KIAA0586: variants seen among roughly 807,000 people sequenced by gnomAD.
The protein encoded by KIAA0586 is KIAA0586.
Under a neutral mutation model 169.8 loss-of-function variants are expected in KIAA0586, and 144 were observed. The ratio of observed to expected loss-of-function variants is 0.85; its 90% CI spans 0.74 to 0.97. The LOEUF (loss-of-function observed/expected upper bound fraction) is 0.97, where lower values mean the gene tolerates loss of function less well. KIAA0586 is among the 50% of genes least tolerant of loss of function. The probability of loss-of-function intolerance (pLI) is 0.00; values close to 1 mark genes in which losing one functional copy is unlikely to be tolerated. For missense variants in KIAA0586, 1,854 were observed against 1,823.0 expected (o/e 1.02, Z -0.31); for synonymous variants, 625 against 612.4 (o/e 1.02, Z -0.30).
At chr14:58,447,393 C>G (rs1039163673) in intron 6 of KIAA0586, among the ~76,000 whole-genome samples, 6 of 151,902 alleles carry the variant, frequency 3.9e-5, no homozygotes, top group Non-Finnish European at 7.4e-5. Context: ...CAATAAAACC[C>G]TCTTTTTTGA....
At chr14:58,523,031 A>G (rs537266890) in intron 29 of KIAA0586, among the ~76,000 whole-genome samples, 2 of 152,210 alleles carry the variant, frequency 1.3e-5, no homozygotes, top group East Asian at 1.9e-4. Flanking sequence ...GTATATGCAT[A>G]TCTATATATA....
rs752142962 is a variant in KIAA0586 at position 58,460,981 on chromosome 14, C to T, written c.1885-5C>T. On this transcript the variant is annotated splice_region_variant and splice_polypyrimidine_tract_variant and intron_variant, in intron 13 of 30. Transcript: ENST00000652326. ...ATGGTGAGTTGAATAACTTTGTACA[C>T]ACAGGGGCTTTTGAAAGCAACCACA... 8.2e-6 allele frequency: 13 copies of T among 1,584,790 alleles called. No homozygotes were observed. Among genetic ancestry groups the T allele is most frequent in the Non-Finnish European group, 1.1e-5 (13 of 1,168,176 alleles).
chr14:58,481,800 A>C (rs1247001904), intron 20 of KIAA0586, among the ~76,000 whole-genome samples: 1 of 101,654 alleles, frequency 9.8e-6, no homozygotes, highest in African/African-American at 3.9e-5. Flanking sequence ...GTATATTGGC[A>C]TCTCTAAACT....
chr14:58,470,659 A>G lies in KIAA0586; in HGVS notation c.2489A>G (p.Asp830Gly). The change falls in exon 17 of 31, where the codon GAT becomes GGT. Residue 830 changes from aspartate (D) to glycine (G), a missense_variant. By Grantham distance (94) the Asp-to-Gly change is moderately conservative. Transcript: ENST00000652326. Reference protein sequence around the residue: ...DIDSISNSSADVLSPLSSPKE... With the variant: ...DIDSISNSSAGVLSPLSSPKE... ...GACAGCATTTCAAATAGTAGTGCTG[A>G]TGTCCTTTCACCTCTGTCTAGCCCC... The G allele has an allele frequency of 6.2e-7, 1 of 1,610,508 alleles. No individual in the cohort carries two copies. Among genetic ancestry groups the G allele is most frequent in the Non-Finnish European group, 8.5e-7 (1 of 1,177,062 alleles).
Position 58,521,274 on chromosome 14 carries a change from G to A in KIAA0586, c.4429+8647G>A. 2.6e-6 allele frequency: 3 copies of A among 1,139,338 alleles called. 1 individual carries two copies. Among genetic ancestry groups the A allele is most frequent in the South Asian group, 2.4e-5 (2 of 82,192 alleles). The allele number at this position is 1,139,338 out of a possible 1,614,324, so 70.6% of individuals were successfully genotyped here. On this transcript the variant is annotated intron_variant, in intron 29 of 30. Transcript: ENST00000652326. ...GGATCCTCACTCCATGAACTCCCGT[G>A]TGTTCATTGGGAATCTCAACACTCT...
At chr14:58,523,841 G>C (rs2045390306) in intron 29 of KIAA0586, among the ~76,000 whole-genome samples, 1 of 151,814 alleles carries the variant, frequency 6.6e-6, no homozygotes. Context: ...TGGGATTACA[G>C]GCATGAGCCA....
chr14:58,484,932 T>A (rs1250408137), intron 21 of KIAA0586, among the ~76,000 whole-genome samples: 77 of 14,758 alleles, frequency 5.2e-3, no homozygotes, highest in Non-Finnish European at 9.6e-3. Context: ...ATATTTTTTT[T>A]TTTTTTTTTT....
At chr14:58,496,421 C>T (rs2043161399) in intron 26 of KIAA0586, among the ~76,000 whole-genome samples, 1 of 152,140 alleles carries the variant, frequency 6.6e-6, no homozygotes, top group South Asian at 2.1e-4. Context: ...TGTAGACTGT[C>T]AGAGTAATAT....
rs767358296 is a variant in KIAA0586, at chr14:58,467,809, A to G, written c.2329A>G (p.Thr777Ala). The G allele has an allele frequency of 1.9e-6, 3 of 1,613,434 alleles. No individual in the cohort carries two copies. Among genetic ancestry groups the G allele is most frequent in the Non-Finnish European group, 2.5e-6 (3 of 1,179,402 alleles). The change falls in exon 16 of 31, where the codon ACT becomes GCT. Residue 777 changes from threonine to alanine, a missense_variant. Physicochemically the swap from Thr to Ala is moderately conservative, Grantham distance 58. Coordinates refer to ENST00000652326, the MANE Select transcript of KIAA0586 (RefSeq NM_001329943.3). ...IVSKPHPVTV[T>A]TSIPPSSRKV... is the part of the protein sequence containing the mutation. ...CAGCAAGCCACACCCTGTAACTGTG[A>G]CTACTTCTATTCCTCCATCATCTCG...
rs2040906741 is a variant in KIAA0586 at position 58,468,031 on chromosome 14, T to C, written c.2442+109T>C. The stretch of plus-strand genomic sequence containing the variant: ...TTCATAAAAATATTGCTTTTGATCA[T>C]GACTCTTTTTTTTAAATTTATTTTT... On this transcript the variant is annotated intron_variant, in intron 16 of 30. Transcript: ENST00000652326. 5 of 655,790 alleles carry C rather than the reference T, an allele frequency of 7.6e-6. No homozygotes were observed. The South Asian group carries it at 1.4e-4, about 18-fold the overall frequency. The allele number at this position is 655,790 out of a possible 1,614,324, so 40.6% of individuals were successfully genotyped here.
chr14:58,494,264 G>A (rs568181906), intron 26 of KIAA0586, among the ~76,000 whole-genome samples: 2 of 147,688 alleles, frequency 1.4e-5, no homozygotes, highest in Admixed American at 6.7e-5. Context: ...CTATTAATTT[G>A]TTCTCTGCTA....
chr14:58,498,236 G>A (rs1054256414), intron 26 of KIAA0586, among the ~76,000 whole-genome samples: 1 of 150,654 alleles, frequency 6.6e-6, no homozygotes, highest in African/African-American at 2.5e-5. Flanking sequence ...GAGTACAGTC[G>A]TGCAGTCTCG....
At chr14:58,561,961 A>C in the KIAA0586 span, among the ~76,000 whole-genome samples, 98 of 152,346 alleles carry the variant, frequency 6.4e-4, no homozygotes, top group Non-Finnish European at 4.3e-4. Context: ...AACCCTTTTC[A>C]TGAAGGAGGG....
At chr14:58,471,118 G>A (rs2041185485) in intron 17 of KIAA0586, among the ~76,000 whole-genome samples, 1 of 152,004 alleles carries the variant, frequency 6.6e-6, no homozygotes, top group Admixed American at 6.6e-5. Flanking sequence ...TCCCAAGTTC[G>A]GGAATTACAG....
chr14:58,525,524 C>A (rs903494260), intron 29 of KIAA0586, among the ~76,000 whole-genome samples: 1 of 152,144 alleles, frequency 6.6e-6, no homozygotes, highest in Non-Finnish European at 1.5e-5. Context: ...CGGTGCATTC[C>A]GGCCCAGATA....
intron 4 of KIAA0586, chr14:58,440,141 C>CCACA: frequency 4.7e-6 from 2 of 427,630 alleles, no homozygotes; most frequent in Middle Eastern, 3.4e-4. Flanking sequence ...CCTCAGCCTC[C>CCACA]CACAGTGCTA....
At chr14:58,518,521 AC>A (rs888179760) in intron 29 of KIAA0586, among the ~76,000 whole-genome samples, 6 of 152,218 alleles carry the variant, frequency 3.9e-5, no homozygotes, top group African/African-American at 1.4e-4. Flanking sequence ...AAAGGGAAGA[AC>A]TGTCAGCTCA....
chr14:58,452,876 A>T (rs949325114), intron 8 of KIAA0586, among the ~76,000 whole-genome samples: 43 of 149,774 alleles, frequency 2.9e-4, no homozygotes, highest in African/African-American at 1.1e-3. Flanking sequence ...TTATTTGATG[A>T]GTGTATTTAT....
intron 24 of KIAA0586, among the ~76,000 whole-genome samples, chr14:58,489,219 C>G (rs924917860): frequency 1.4e-5 from 1 of 73,870 alleles, no homozygotes; most frequent in African/African-American, 4.7e-5. Context: ...GTTTTGAAAC[C>G]TGAATTTTTT....
Sources: allele counts gnomAD v4.1 joint callset (sites outside exome capture counted in the v4.1 genomes callset), GRCh38; gene constraint gnomAD v4.1.1; transcripts MANE v1.5; gene names NCBI Gene and HGNC (gene_info 2026-07-23, HGNC 2026-07-21).